PXDNL: variants seen among roughly 807,000 people sequenced by gnomAD.
PXDNL encodes the protein peroxidasin like, also known as probable oxidoreductase PXDNL.
Under a neutral mutation model 150.8 loss-of-function variants are expected in PXDNL, and 145 were observed. The ratio of observed to expected loss-of-function variants is 0.96; its 90% CI spans 0.84 to 1.10. The LOEUF is 1.10. Among genes scored for constraint, PXDNL ranks in the 50% least tolerant of loss-of-function variants. PXDNL has a pLI of 0.00. For missense variants in PXDNL, 2,087 were observed against 1,873.9 expected (o/e 1.11, Z -2.10); for synonymous variants, 757 against 725.7 (o/e 1.04, Z -0.69).
At chr8:51,375,718 A>C (rs1586047783) in intron 17 of PXDNL, among the ~76,000 whole-genome samples, 1 of 152,292 alleles carries the variant, frequency 6.6e-6, no homozygotes, top group South Asian at 2.1e-4. Flanking sequence ...CAACTTTTAC[A>C]CTATGAACAT....
At chr8:51,544,997 A>C (rs1812324942) in intron 4 of PXDNL, among the ~76,000 whole-genome samples, 2 of 152,218 alleles carry the variant, frequency 1.3e-5, no homozygotes, top group African/African-American at 4.8e-5. Flanking sequence ...TTATGATTAA[A>C]ATTATGATAA....
In PXDNL at chr8:51,409,240, G is replaced by T. The variant is rs763959012; in HGVS notation, c.2384C>A (p.Pro795His). The T allele has an allele frequency of 1.4e-5, 22 of 1,526,120 alleles. No individual in the cohort carries two copies. Among genetic ancestry groups the T allele is most frequent in the African/African-American group, 2.8e-5 (2 of 72,238 alleles). 94.5% of individuals were successfully genotyped at this position (1,526,120 alleles called of 1,614,324 possible). A position where few individuals can be genotyped will look rare whatever the true frequency, so the allele number is the denominator to read the frequency against. Residue 795 changes from proline to histidine, a missense_variant, in exon 17 of 23, where the codon CCC becomes CAC. By Grantham distance (77) the Pro-to-His change is moderately conservative. Coordinates refer to ENST00000356297, the MANE Select transcript of PXDNL (RefSeq NM_144651.5). The part of the protein sequence containing the change: ...TVWARAAAVT[P>H]DHSYTRMLMH... ...GAGCATGCGCGTGTAGCTGTGGTCG[G>T]GGGTGACGGCCGCCGCGCGCGCCCA...
At chr8:51,523,717 T>C (rs1811707524) in intron 4 of PXDNL, among the ~76,000 whole-genome samples, 1 of 152,220 alleles carries the variant, frequency 6.6e-6, no homozygotes, top group South Asian at 2.1e-4. Flanking sequence ...GAGGCTCCCA[T>C]ACTTTTACTT....
At chr8:51,700,168 TACACAC>T (rs58406482) in intron 1 of PXDNL, among the ~76,000 whole-genome samples, 3,121 of 139,388 alleles carry the variant, frequency 0.022, 59 homozygotes, top group Middle Eastern at 0.049. Flanking sequence ...TATGCCTGCA[TACACAC>T]ACACACACAC....
chr8:51,404,011 G>C (rs946591534), intron 17 of PXDNL, among the ~76,000 whole-genome samples: 1 of 152,174 alleles, frequency 6.6e-6, no homozygotes, highest in Non-Finnish European at 1.5e-5. Context: ...CCTTCGCAGT[G>C]AGTGTTACAG....
intron 21 of PXDNL, among the ~76,000 whole-genome samples, chr8:51,329,297 A>G (rs1805610641): frequency 6.6e-6 from 1 of 152,218 alleles, no homozygotes; most frequent in African/African-American, 2.4e-5. Context: ...AAGAATACAT[A>G]AGAAAGGCCA....
At chr8:51,715,866 C>G (rs1816607184) in intron 1 of PXDNL, among the ~76,000 whole-genome samples, 1 of 151,914 alleles carries the variant, frequency 6.6e-6, no homozygotes, top group Non-Finnish European at 1.5e-5. Flanking sequence ...TATTTCTCAT[C>G]AGGCACAGTA....
At chr8:51,644,567 C>G (rs1439846645) in intron 2 of PXDNL, among the ~76,000 whole-genome samples, 1 of 150,878 alleles carries the variant, frequency 6.6e-6, no homozygotes, top group Admixed American at 6.6e-5. Flanking sequence ...TCACGCCATT[C>G]TCCTGCCTCA....
chr8:51,714,475 C>A (rs1049778974), intron 1 of PXDNL, among the ~76,000 whole-genome samples: 2 of 151,918 alleles, frequency 1.3e-5, no homozygotes, highest in African/African-American at 4.8e-5. Context: ...AATTTATTTT[C>A]TTTTTTTAAT....
At chr8:51,486,857 G>A (rs1053577522) in intron 5 of PXDNL, among the ~76,000 whole-genome samples, 23 of 125,978 alleles carry the variant, frequency 1.8e-4, no homozygotes, top group Non-Finnish European at 1.6e-5. Context: ...CTGCAGTGCA[G>A]TGGCACAATC....
At chr8:51,475,211 G>A (rs1235210712) in intron 6 of PXDNL, 70 bp from the exon 7 acceptor site, 3 of 1,430,584 alleles carry the variant, frequency 2.1e-6, no homozygotes, top group South Asian at 1.3e-5. Flanking sequence ...CTTTTGAGTG[G>A]TAATATTTAA....
intron 2 of PXDNL, among the ~76,000 whole-genome samples, chr8:51,608,102 CAAGCA>C: frequency 7.1e-6 from 1 of 140,952 alleles, no homozygotes; most frequent in South Asian, 2.2e-4. Context: ...AGCAAGCAAG[CAAGCA>C]AGCCGGGCAC....
At chr8:51,366,215 A>T (rs1290199314) in intron 19 of PXDNL, among the ~76,000 whole-genome samples, 1 of 152,198 alleles carries the variant, frequency 6.6e-6, no homozygotes, top group Non-Finnish European at 1.5e-5. Flanking sequence ...AGTGAACCTG[A>T]CTTGAAGTGC....
intron 1 of PXDNL, among the ~76,000 whole-genome samples, chr8:51,765,688 C>A (rs1340744748): frequency 6.6e-6 from 1 of 152,000 alleles, no homozygotes; most frequent in Non-Finnish European, 1.5e-5. Flanking sequence ...TATCATATTT[C>A]ATTAATATTA....
intron 3 of PXDNL, among the ~76,000 whole-genome samples, chr8:51,583,435 T>C (rs1415033072): frequency 6.6e-6 from 1 of 152,188 alleles, no homozygotes; most frequent in East Asian, 1.9e-4. Context: ...TGTATAGTTG[T>C]TCATAGCAGT....
chr8:51,447,819 A>C (rs1809710636), intron 11 of PXDNL, among the ~76,000 whole-genome samples: 1 of 152,254 alleles, frequency 6.6e-6, no homozygotes, highest in Non-Finnish European at 1.5e-5. Context: ...AACCCTATTG[A>C]GCGTACACAC....
intron 4 of PXDNL, among the ~76,000 whole-genome samples, chr8:51,555,251 T>C (rs1585576348): frequency 6.6e-6 from 1 of 152,240 alleles, no homozygotes; most frequent in East Asian, 1.9e-4. Flanking sequence ...AGTTTGTCCT[T>C]TTATAAGGAA....
intron 8 of PXDNL, among the ~76,000 whole-genome samples, chr8:51,470,900 A>G (rs1247879426): frequency 6.6e-6 from 1 of 152,140 alleles, no homozygotes; most frequent in Non-Finnish European, 1.5e-5. Flanking sequence ...AAAGCTAGGT[A>G]ATACCATTCA....
chr8:51,716,065 T>A (rs1435326299), intron 1 of PXDNL, among the ~76,000 whole-genome samples: 1 of 152,198 alleles, frequency 6.6e-6, no homozygotes, highest in Non-Finnish European at 1.5e-5. Flanking sequence ...CTCTGTATCA[T>A]GAAAAGTTAC....
Sources: gnomAD v4.1 joint callset for allele counts (sites outside exome capture counted in the v4.1 genomes callset) on GRCh38, gnomAD v4.1.1 for gene constraint, MANE v1.5 for transcripts, NCBI Gene and HGNC (gene_info 2026-07-23, HGNC 2026-07-21) for gene names.